Variants in JARID2 observed in about 807,000 individuals in gnomAD.
The protein encoded by JARID2 is jumonji and AT-rich interaction domain containing 2.
JARID2 carries 21 observed loss-of-function variants against 125.6 expected under a neutral mutation model. The observed-to-expected ratio is 0.17, with a 90% confidence interval of 0.12 to 0.24. JARID2 has a LOEUF of 0.24. Ranked by LOEUF, JARID2 falls within the 10% of genes least tolerant of loss-of-function variation. The probability of loss-of-function intolerance (pLI) is 1.00; values close to 1 mark genes in which losing one functional copy is unlikely to be tolerated. For synonymous variants in JARID2, 736 were observed against 661.6 expected, an observed-to-expected ratio of 1.11 and a Z score of -1.73; for missense variants, 1,303 against 1,639.6, an observed-to-expected ratio of 0.79 and a Z score of 3.55.
chr6:15,466,830 CTGTT>C (rs923889587), intron 4 of JARID2, among the ~76,000 whole-genome samples: 22 of 152,224 alleles, frequency 1.4e-4, no homozygotes, highest in African/African-American at 4.8e-4. Context: ...TAACTCCTGA[CTGTT>C]TATTTTACTC....
chr6:15,374,056 G>T, intron 1 of JARID2, 61 bp from the exon 2 acceptor site: 1 of 1,575,772 alleles, frequency 6.3e-7, no homozygotes, highest in South Asian at 1.1e-5. Context: ...AGTTTATTTT[G>T]ACTCTGAATA....
At chr6:15,374,355 G>A in intron 2 of JARID2, 103 bp downstream of exon 2, 1 of 1,162,226 alleles carries the variant, frequency 8.6e-7, no homozygotes, top group Non-Finnish European at 1.2e-6. Context: ...TCCTGGTCTA[G>A]GCACCTAAAG....
At chr6:15,343,934 T>C (rs1763156533) in intron 1 of JARID2, among the ~76,000 whole-genome samples, 2 of 152,104 alleles carry the variant, frequency 1.3e-5, no homozygotes, top group Non-Finnish European at 2.9e-5. Flanking sequence ...ACCTTTTACT[T>C]AATAAATAGC....
chr6:15,326,605 A>C (rs1762542053), intron 1 of JARID2, among the ~76,000 whole-genome samples: 1 of 152,202 alleles, frequency 6.6e-6, no homozygotes, highest in Non-Finnish European at 1.5e-5. Flanking sequence ...AGACTCAGAC[A>C]GTTCTCATGC....
chr6:15,384,665 A>T (rs1318189927), intron 2 of JARID2, among the ~76,000 whole-genome samples: 1 of 151,898 alleles, frequency 6.6e-6, no homozygotes, highest in African/African-American at 2.4e-5. Flanking sequence ...ATCACATCTC[A>T]CTGCAGCCTG....
chr6:15,430,613 G>A (rs1167765450), intron 3 of JARID2, among the ~76,000 whole-genome samples: 2 of 152,196 alleles, frequency 1.3e-5, no homozygotes, highest in Non-Finnish European at 2.9e-5. Flanking sequence ...CACTAAGCAA[G>A]CATTGGGTCG....
At chr6:15,445,649 C>T (rs992426131) in intron 3 of JARID2, among the ~76,000 whole-genome samples, 1 of 152,224 alleles carries the variant, frequency 6.6e-6, no homozygotes, top group East Asian at 1.9e-4. Flanking sequence ...TGTCAGGAGC[C>T]GCCTCTTGGG....
chr6:15,508,144 C>T (rs367934909), intron 11 of JARID2, among the ~76,000 whole-genome samples, 196 bp from the exon 12 acceptor site: 7 of 152,204 alleles, frequency 4.6e-5, no homozygotes, highest in East Asian at 1.9e-4. Context: ...TGTTTTGAAG[C>T]GGTGTTCATA....
At chr6:15,322,452 C>T (rs1254268140) in intron 1 of JARID2, among the ~76,000 whole-genome samples, 1 of 152,216 alleles carries the variant, frequency 6.6e-6, no homozygotes, top group East Asian at 1.9e-4. Flanking sequence ...GTACAGGAAG[C>T]ACTGGATACA....
intron 5 of JARID2, among the ~76,000 whole-genome samples, chr6:15,481,190 C>T (rs948482327): frequency 1.3e-4 from 20 of 152,218 alleles, no homozygotes; most frequent in Admixed American, 5.2e-4. Flanking sequence ...GGTGTGAAAA[C>T]ACTTTTCTAT....
At chr6:15,509,104 C>T in intron 12 of JARID2, 1 of 1,289,110 alleles carries the variant, frequency 7.8e-7, no homozygotes, top group Non-Finnish European at 1.0e-6. Context: ...GTTCTGGGTC[C>T]CCGCCTGTAA....
chr6:15,448,889 C>A (rs1224232362), intron 3 of JARID2, among the ~76,000 whole-genome samples: 2 of 151,976 alleles, frequency 1.3e-5, no homozygotes, highest in East Asian at 3.9e-4. Flanking sequence ...GATTTTGTGT[C>A]TGTTGAGTCC....
At chr6:15,436,894 C>A (rs1486434774) in intron 3 of JARID2, among the ~76,000 whole-genome samples, 1 of 151,846 alleles carries the variant, frequency 6.6e-6, no homozygotes, top group Non-Finnish European at 1.5e-5. Flanking sequence ...GAATGAGGTT[C>A]AAGTGGACTG....
chr6:15,488,390 C>A (rs934327757), intron 6 of JARID2, among the ~76,000 whole-genome samples: 1 of 152,234 alleles, frequency 6.6e-6, no homozygotes, highest in African/African-American at 2.4e-5. Context: ...CTGTTCCCCC[C>A]TCCATTTTAA....
intron 1 of JARID2, among the ~76,000 whole-genome samples, chr6:15,316,123 A>G (rs112138738): frequency 5.9e-4 from 90 of 152,000 alleles, no homozygotes; most frequent in African/African-American, 1.9e-3. Context: ...TACAGATTCT[A>G]TGGGTTTTTT....
At chr6:15,416,855 G>T (rs954572906) in intron 3 of JARID2, among the ~76,000 whole-genome samples, 7 of 152,172 alleles carry the variant, frequency 4.6e-5, no homozygotes, top group African/African-American at 1.7e-4. Flanking sequence ...ATTCCACTCA[G>T]TTCTTCTTGT....
chr6:15,326,003 T>G (rs1762521930), intron 1 of JARID2, among the ~76,000 whole-genome samples: 1 of 152,204 alleles, frequency 6.6e-6, no homozygotes, highest in Admixed American at 6.5e-5. Flanking sequence ...ATGTAATGAT[T>G]GTATAATTTT....
rs1190960771 is a variant in JARID2 at position 15,501,031 on chromosome 6, C to T, written c.2070C>T (p.Ala690=). 6.2e-7 allele frequency: 1 copy of T among 1,614,202 alleles called. No homozygotes were observed. Among genetic ancestry groups the T allele is most frequent in the Non-Finnish European group, 8.5e-7 (1 of 1,180,032 alleles). Reference sequence around the variant, plus strand: ...ACATGCTGCGCATCCCCAGAACTGCCCAGGACCGGCTGGCCAAGCTGCAGG... The same window carrying T: ...ACATGCTGCGCATCCCCAGAACTGCTCAGGACCGGCTGGCCAAGCTGCAGG... ...LADMLRIPRT[A]QDRLAKLQEA... The change falls in exon 8 of 18, where the codon GCC becomes GCT. Residue 690 remains alanine, a synonymous_variant. Coordinates refer to ENST00000341776, the MANE Select transcript of JARID2 (RefSeq NM_004973.4).
Position 15,369,160 on chromosome 6 carries a change from G to C in JARID2, c.46-4957G>C, listed in dbSNP as rs191473246. Reference sequence around the variant, plus strand: ...TTTTATGTGTGTATTATAGAACTTGGAACAGTGAGTGGTTCTGTTCTCCTT... The same window carrying C: ...TTTTATGTGTGTATTATAGAACTTGCAACAGTGAGTGGTTCTGTTCTCCTT... On this transcript the variant is annotated intron_variant, in intron 1 of 17. Transcript: ENST00000341776. 426 of 261,374 alleles carry C rather than the reference G, an allele frequency of 1.6e-3. 1 individual carries two copies. Among genetic ancestry groups the C allele is most frequent in the African/African-American group, 8.1e-3 (371 of 45,572 alleles). The allele number at this position is 261,374 out of a possible 1,614,324, so 16.2% of individuals were successfully genotyped here.
Sources: allele counts gnomAD v4.1 joint callset (sites outside exome capture counted in the v4.1 genomes callset), GRCh38; gene constraint gnomAD v4.1.1; transcripts MANE v1.5; gene names NCBI Gene and HGNC (gene_info 2026-07-23, HGNC 2026-07-21).